The following BAIAP2L1 variants were observed in gnomAD, a reference collection of about 807,000 sequenced individuals.
BAIAP2L1 encodes BAR/IMD domain-containing adapter protein 2-like 1.
BAIAP2L1 carries 35 observed loss-of-function variants against 66.3 expected under a neutral mutation model. The observed-to-expected ratio is 0.53, with a 90% CI of 0.40 to 0.70. The LOEUF is 0.70. BAIAP2L1 is among the 30% of genes least tolerant of loss of function. The pLI is 0.00. For missense variants in BAIAP2L1, 622 were observed against 656.9 expected (o/e 0.95, Z 0.58); for synonymous variants, 269 against 248.7 (o/e 1.08, Z -0.77).
chr7:98,389,973 T>G (rs912531250), intron 1 of BAIAP2L1, among the ~76,000 whole-genome samples: 2 of 144,352 alleles, frequency 1.4e-5, no homozygotes, highest in African/African-American at 5.0e-5. Context: ...TGGAGTGCAG[T>G]GGCGGGATCT....
chr7:98,308,669 T>A (rs4729431), intron 9 of BAIAP2L1: 100,878 of 220,280 alleles, frequency 0.46, 23,849 homozygotes, highest in East Asian at 0.68. Flanking sequence ...TAGAAAAAAA[T>A]ATATATATAT....
intron 1 of BAIAP2L1, among the ~76,000 whole-genome samples, chr7:98,387,408 G>A (rs755546741): frequency 8.5e-5 from 13 of 152,174 alleles, no homozygotes; most frequent in Non-Finnish European, 1.5e-4. Context: ...CCTAACAGGT[G>A]CTCACAACAT....
chr7:98,364,346 C>T (rs1396217133), intron 1 of BAIAP2L1, among the ~76,000 whole-genome samples: 1 of 151,972 alleles, frequency 6.6e-6, no homozygotes, highest in Non-Finnish European at 1.5e-5. Flanking sequence ...TGAGGCCTAT[C>T]AGTGTTATTT....
chr7:98,330,817 G>T (rs562615878), intron 3 of BAIAP2L1, among the ~76,000 whole-genome samples: 9 of 144,342 alleles, frequency 6.2e-5, no homozygotes, highest in Non-Finnish European at 1.4e-4. Flanking sequence ...GAGGGAGCAA[G>T]GGAGTGGGAG....
At chr7:98,382,027 G>A (rs1207618706) in intron 1 of BAIAP2L1, among the ~76,000 whole-genome samples, 4 of 150,238 alleles carry the variant, frequency 2.7e-5, no homozygotes, top group Admixed American at 6.7e-5. Flanking sequence ...CTGAGTTCAC[G>A]CCATTCTCCT....
At chr7:98,362,510 C>T in intron 1 of BAIAP2L1, 78 bp from the exon 2 acceptor site, 1 of 1,236,260 alleles carries the variant, frequency 8.1e-7, no homozygotes, top group Non-Finnish European at 1.2e-6. Context: ...CACTGTGTGG[C>T]CCAGGATAGC....
chr7:98,363,980 C>T (rs1227767247), intron 1 of BAIAP2L1, among the ~76,000 whole-genome samples: 2 of 151,982 alleles, frequency 1.3e-5, no homozygotes, highest in East Asian at 3.9e-4. Context: ...TTCAACTATG[C>T]TCCTATTTTT....
rs1274018026 is a variant in BAIAP2L1 at position 98,292,258 on chromosome 7, G to C, written c.*1263C>G. 9.8e-5 allele frequency: 26 copies of C among 264,780 alleles called. No individual in the cohort carries two copies. The highest frequency in any genetic ancestry group is 2.2e-5 in the Non-Finnish European group (3 of 134,064). The allele number at this position is 264,780 out of a possible 1,614,324, so 16.4% of individuals were successfully genotyped here. On this transcript the variant is annotated 3_prime_UTR_variant, in exon 14 of 14. Coordinates refer to ENST00000005260, the MANE Select transcript of BAIAP2L1 (RefSeq NM_018842.5). ...CCCAGCACCCAGCAACACACACGGT[G>C]AGCGGCCGGGCTGGAGTGCAGCAGC...
chr7:98,400,774 C>G (rs1314303483), intron 1 of BAIAP2L1, 28 bp downstream of exon 1: 10 of 1,548,792 alleles, frequency 6.5e-6, no homozygotes, highest in Non-Finnish European at 8.7e-6. Context: ...AAGCCCTGAC[C>G]TCCCTGAGCC....
At chr7:98,331,122 TGGACAC>T (rs1801485204) in intron 3 of BAIAP2L1, among the ~76,000 whole-genome samples, 1 of 152,168 alleles carries the variant, frequency 6.6e-6, no homozygotes, top group African/African-American at 2.4e-5. Context: ...ACCAGCAGAC[TGGACAC>T]GACCAAGGGA....
At chr7:98,340,166 A>G (rs1415196939) in intron 3 of BAIAP2L1, among the ~76,000 whole-genome samples, 1 of 152,252 alleles carries the variant, frequency 6.6e-6, no homozygotes, top group Non-Finnish European at 1.5e-5. Context: ...ATAAAGTTAC[A>G]ATGAAAAACA....
intron 3 of BAIAP2L1, among the ~76,000 whole-genome samples, chr7:98,354,750 T>C (rs1350006211): frequency 6.6e-6 from 1 of 152,094 alleles, no homozygotes; most frequent in Admixed American, 6.5e-5. Context: ...CCATCAGGAA[T>C]GTAGGTCAAA....
At chr7:98,328,018 G>GTT (rs377766958) in intron 3 of BAIAP2L1, among the ~76,000 whole-genome samples, 1 of 145,464 alleles carries the variant, frequency 6.9e-6, no homozygotes, top group African/African-American at 2.5e-5. Context: ...CCCGAACATT[G>GTT]TTTTTTTTTT....
At chr7:98,394,649 G>A (rs908587436) in intron 1 of BAIAP2L1, among the ~76,000 whole-genome samples, 7 of 152,166 alleles carry the variant, frequency 4.6e-5, no homozygotes, top group Admixed American at 1.3e-4. Context: ...CAACTGGTGC[G>A]TCACTGTGGA....
At chr7:98,343,304 A>AG (rs1801792439) in intron 3 of BAIAP2L1, among the ~76,000 whole-genome samples, 1 of 139,474 alleles carries the variant, frequency 7.2e-6, no homozygotes, top group Non-Finnish European at 1.6e-5. Context: ...CACACACACT[A>AG]GCTGGGTGTG....
intron 3 of BAIAP2L1, among the ~76,000 whole-genome samples, chr7:98,334,312 T>G (rs1392189614): frequency 6.6e-6 from 1 of 152,240 alleles, no homozygotes; most frequent in Admixed American, 6.5e-5. Context: ...AGGCTTACTC[T>G]GGAGTCTAAA....
rs527637662 is a variant in BAIAP2L1 at position 98,400,833 on chromosome 7, T to A, written c.20A>T (p.Glu7Val). The A allele has an allele frequency of 2.8e-5, 44 of 1,546,122 alleles. 1 individual carries two copies. The highest frequency in any genetic ancestry group is 3.4e-4 in the Middle Eastern group (2 of 5,926). The change falls in exon 1 of 14, where the codon GAG (glutamate) becomes GTG (valine). Residue 7 changes from glutamate to valine, a missense_variant. Transcript: ENST00000005260. Reference sequence around the variant, plus strand: ...GGTGCTCTCCGTGAGCCGGTTCACCTCCTCGGGCCCCCGGGACATGGCTGC... The same window carrying A: ...GGTGCTCTCCGTGAGCCGGTTCACCACCTCGGGCCCCCGGGACATGGCTGC... MSRGPE[E>V]VNRLTESTYR...
At chr7:98,353,691 G>T (rs1802056619) in intron 3 of BAIAP2L1, among the ~76,000 whole-genome samples, 1 of 143,610 alleles carries the variant, frequency 7.0e-6, no homozygotes. Context: ...TGGGCGCGGT[G>T]GCTCACACCT....
At chr7:98,376,773 G>A (rs577349113) in intron 1 of BAIAP2L1, among the ~76,000 whole-genome samples, 8 of 151,946 alleles carry the variant, frequency 5.3e-5, no homozygotes, top group Admixed American at 3.9e-4. Flanking sequence ...TGCAGGTTGC[G>A]GTGAGCTGAG....
Sources: gnomAD v4.1 joint callset for allele counts (sites outside exome capture counted in the v4.1 genomes callset) on GRCh38, gnomAD v4.1.1 for gene constraint, MANE v1.5 for transcripts, NCBI Gene and HGNC (gene_info 2026-07-23, HGNC 2026-07-21) for gene names.